Variants in B3GNT2 observed in about 807,000 individuals in gnomAD.
B3GNT2 encodes UDP-GlcNAc:betaGal beta-1,3-N-acetylglucosaminyltransferase 2.
Under a neutral mutation model 27.6 loss-of-function variants are expected in B3GNT2, and 12 were observed. The observed-to-expected ratio is 0.44, with a 90% CI of 0.28 to 0.71. B3GNT2 has a LOEUF of 0.71. Ranked by LOEUF, B3GNT2 falls within the 30% of genes least tolerant of loss-of-function variation. B3GNT2 has a pLI of 0.17. For synonymous variants in B3GNT2, 192 were observed against 189.7 expected (o/e 1.01, Z -0.10); for missense variants, 413 against 488.5 (o/e 0.85, Z 1.46).
chr2:62,218,932 G>T (rs971920226), intron 1 of B3GNT2, among the ~76,000 whole-genome samples: 1 of 152,214 alleles, frequency 6.6e-6, no homozygotes, highest in African/African-American at 2.4e-5. Context: ...GAAATAAAAG[G>T]CTGAATTGTA....
At chr2:62,197,223 G>T (rs555352146) in intron 1 of B3GNT2, among the ~76,000 whole-genome samples, 1 of 152,184 alleles carries the variant, frequency 6.6e-6, no homozygotes, top group East Asian at 1.9e-4. Flanking sequence ...CGGGACTGGC[G>T]GCTACTCCAG....
intron 1 of B3GNT2, among the ~76,000 whole-genome samples, chr2:62,210,801 A>T (rs1181932721): frequency 6.6e-6 from 1 of 152,090 alleles, no homozygotes; most frequent in Non-Finnish European, 1.5e-5. Flanking sequence ...GGAGTACAGT[A>T]TTCACTGTCA....
rs1166983986 is a variant in B3GNT2, at chr2:62,224,323, A to G, written c.*909A>G. 6.0e-6 allele frequency: 1 copy of G among 167,056 alleles called. No individual in the cohort carries two copies. The highest frequency in any genetic ancestry group is 1.9e-4 in the East Asian group (1 of 5,204). 10.3% of individuals were successfully genotyped at this position (167,056 alleles called of 1,614,324 possible). On this transcript the variant is annotated 3_prime_UTR_variant, in exon 2 of 2. Transcript: ENST00000301998. The stretch of plus-strand genomic sequence containing the variant: ...CAGAATTTATTATTGCCATATTTTC[A>G]CATGCTGCTTATACAAGATTATTAT...
chr2:62,221,907 C>G lies in B3GNT2; in HGVS notation c.-9-305C>G, dbSNP rs1418795105. 4 of 542,080 alleles carry G rather than the reference C, an allele frequency of 7.4e-6. No homozygotes were observed. The East Asian group carries it at 1.4e-4, about 19-fold the overall frequency. 33.6% of individuals were successfully genotyped at this position (542,080 alleles called of 1,614,324 possible). ...AGCTTCAGCATGTCTCAAACAGTCA[C>G]TTACATAGTGCTTGCTGTGAGCCAC... is the stretch of plus-strand genomic sequence containing the variant. On this transcript the variant is annotated intron_variant, in intron 1 of 1. Transcript: ENST00000301998.
At chr2:62,205,332 T>C (rs1674352953) in intron 1 of B3GNT2, among the ~76,000 whole-genome samples, 2 of 152,250 alleles carry the variant, frequency 1.3e-5, no homozygotes, top group South Asian at 4.1e-4. Context: ...TTGCACTTCT[T>C]TAAATACGGA....
intron 1 of B3GNT2, among the ~76,000 whole-genome samples, chr2:62,199,040 A>C (rs1294640251): frequency 1.3e-5 from 2 of 152,196 alleles, no homozygotes; most frequent in South Asian, 2.1e-4. Flanking sequence ...TCTTGGATTC[A>C]AGTGATTCTC....
chr2:62,202,769 C>G (rs1306458613), intron 1 of B3GNT2, among the ~76,000 whole-genome samples: 3 of 152,194 alleles, frequency 2.0e-5, no homozygotes, highest in Non-Finnish European at 1.5e-5. Context: ...TACTTTTCTA[C>G]TCAGAATCCT....
chr2:62,211,879 C>A (rs1229577600), intron 1 of B3GNT2, among the ~76,000 whole-genome samples: 1 of 152,188 alleles, frequency 6.6e-6, no homozygotes, highest in Non-Finnish European at 1.5e-5. Flanking sequence ...CTGCCTTGAC[C>A]CCTGCTGTTG....
chr2:62,210,572 C>A (rs138387315), intron 1 of B3GNT2, among the ~76,000 whole-genome samples: 3,290 of 152,010 alleles, frequency 0.022, 133 homozygotes, highest in African/African-American at 0.075. Flanking sequence ...AGTTCGAGAC[C>A]ATCCTGGCTA....
intron 1 of B3GNT2, among the ~76,000 whole-genome samples, chr2:62,220,105 C>G (rs1312052635): frequency 6.6e-6 from 1 of 152,250 alleles, no homozygotes; most frequent in African/African-American, 2.4e-5. Flanking sequence ...AGGCCCCTCT[C>G]AATCCTAATC....
In B3GNT2 at chr2:62,206,217, TG is replaced by T. The variant is rs201683938; in HGVS notation, c.-10+9866del. 5.1e-3 allele frequency among the ~76,000 whole-genome samples: 780 copies of T among 152,220 alleles called. 2 individuals are homozygous for T. Among genetic ancestry groups the T allele is most frequent in the African/African-American group, 0.018 (728 of 41,536 alleles). On this transcript the variant is annotated intron_variant, in intron 1 of 1. Transcript: ENST00000301998. ...TCAGCTTGGACGTGCTCAGCGAGGATGGGGATGCCCATTTCCCTCCATGCAG... is the reference window on the plus strand; with the variant it reads ...TCAGCTTGGACGTGCTCAGCGAGGATGGGATGCCCATTTCCCTCCATGCAG...
chr2:62,202,639 C>T (rs113826839), intron 1 of B3GNT2, among the ~76,000 whole-genome samples: 196 of 152,248 alleles, frequency 1.3e-3, no homozygotes, highest in African/African-American at 4.3e-3. Context: ...GTGAATGAGG[C>T]GAGCCTGACC....
intron 1 of B3GNT2, among the ~76,000 whole-genome samples, chr2:62,205,074 G>GCGAGATTGGAAGC (rs1186540561): frequency 2.6e-5 from 4 of 152,312 alleles, no homozygotes; most frequent in Non-Finnish European, 5.9e-5. Flanking sequence ...AGGCAGACCG[G>GCGAGATTGGAAGC]CGAGATTGGA....
chr2:62,204,075 G>A (rs147929330), intron 1 of B3GNT2, among the ~76,000 whole-genome samples: 109 of 152,222 alleles, frequency 7.2e-4, no homozygotes, highest in African/African-American at 2.3e-3. Flanking sequence ...TGCCCAGGCC[G>A]GAGCGCAATG....
At chr2:62,216,583 A>G (rs1573268859) in intron 1 of B3GNT2, among the ~76,000 whole-genome samples, 2 of 151,714 alleles carry the variant, frequency 1.3e-5, no homozygotes, top group Middle Eastern at 3.4e-3. Flanking sequence ...TTTTTTTTTA[A>G]TGTAGACATG....
chr2:62,215,854 C>A (rs1388288815), intron 1 of B3GNT2, among the ~76,000 whole-genome samples: 1 of 152,216 alleles, frequency 6.6e-6, no homozygotes, highest in Non-Finnish European at 1.5e-5. Flanking sequence ...CAGCCCCTTT[C>A]TCTCAGCCTG....
chr2:62,208,745 G>A (rs969175918), intron 1 of B3GNT2, among the ~76,000 whole-genome samples: 1 of 152,178 alleles, frequency 6.6e-6, no homozygotes, highest in Non-Finnish European at 1.5e-5. Flanking sequence ...TTAGGTCCTG[G>A]TTCCTTTACT....
chr2:62,199,043 T>A (rs2104180275), intron 1 of B3GNT2, among the ~76,000 whole-genome samples: 1 of 152,248 alleles, frequency 6.6e-6, no homozygotes, highest in South Asian at 2.1e-4. Context: ...TGGATTCAAG[T>A]GATTCTCCTG....
intron 1 of B3GNT2, among the ~76,000 whole-genome samples, chr2:62,218,119 A>C (rs1558636344): frequency 6.6e-6 from 1 of 152,222 alleles, no homozygotes; most frequent in Non-Finnish European, 1.5e-5. Flanking sequence ...TGAAGAAAGG[A>C]CATTGGAATT....
Sources: allele counts gnomAD v4.1 joint callset (sites outside exome capture counted in the v4.1 genomes callset), GRCh38; gene constraint gnomAD v4.1.1; transcripts MANE v1.5; gene names NCBI Gene and HGNC (gene_info 2026-07-23, HGNC 2026-07-21).